The following DYRK4 variants were observed in gnomAD, a reference collection of about 807,000 sequenced individuals.
DYRK4 encodes the protein dual specificity tyrosine-phosphorylation-regulated kinase 4.
In DYRK4, 64 loss-of-function variants were observed where a neutral mutation model predicts 68.3. That is an observed-to-expected ratio of 0.94 (90% confidence interval 0.77 to 1.15). The LOEUF is 1.15. Ranked by LOEUF, DYRK4 falls within the 50% of genes most tolerant of loss-of-function variation. DYRK4 has a pLI of 0.00. For missense variants in DYRK4, 740 were observed against 764.7 expected (o/e 0.97, Z 0.38); for synonymous variants, 274 against 289.9 (o/e 0.95, Z 0.56).
intron 11 of DYRK4, among the ~76,000 whole-genome samples, chr12:4,606,089 A>C (rs553366340): frequency 6.6e-6 from 1 of 152,268 alleles, no homozygotes; most frequent in Admixed American, 6.5e-5. Flanking sequence ...TGGGAAAACT[A>C]TCTCCTAATA....
intron 11 of DYRK4, among the ~76,000 whole-genome samples, chr12:4,606,293 G>GATCTATCTATCTAT (rs1555124273): frequency 3.3e-5 from 5 of 151,034 alleles, no homozygotes; most frequent in African/African-American, 1.2e-4. Flanking sequence ...TGGCTGGCTG[G>GATCTATCTATCTAT]CTATCTATCT....
chr12:4,590,994 T>C, intron 4 of DYRK4, 166 bp from the exon 5 acceptor site: 3 of 774,904 alleles, frequency 3.9e-6, no homozygotes, highest in Non-Finnish European at 6.0e-6. Flanking sequence ...ATGCTTCCTT[T>C]GGGAGAGAGG....
At chr12:4,609,661 G>C (rs1160965917) in intron 12 of DYRK4, among the ~76,000 whole-genome samples, 2 of 152,178 alleles carry the variant, frequency 1.3e-5, no homozygotes, top group Non-Finnish European at 2.9e-5. Flanking sequence ...ATGACTTTAG[G>C]AGCTTTGTTA....
At chr12:4,590,525 G>T in intron 4 of DYRK4, 85 bp downstream of exon 4, 1 of 1,494,298 alleles carries the variant, frequency 6.7e-7, no homozygotes, top group Non-Finnish European at 8.9e-7. Flanking sequence ...GCCCAGGATA[G>T]TGGGGAAAAG....
intron 1 of DYRK4, among the ~76,000 whole-genome samples, chr12:4,565,941 C>T (rs1335783765): frequency 2.0e-5 from 3 of 152,196 alleles, no homozygotes; most frequent in Non-Finnish European, 2.9e-5. Flanking sequence ...CATGTACTTT[C>T]ATAGTCTCCT....
At chr12:4,565,775 G>C (rs1287671299) in intron 1 of DYRK4, among the ~76,000 whole-genome samples, 1 of 152,018 alleles carries the variant, frequency 6.6e-6, no homozygotes, top group Admixed American at 6.6e-5. Context: ...ACAGGCGTGA[G>C]GCACCACACA....
At chr12:4,570,526 T>G (rs1052905888) in intron 2 of DYRK4, among the ~76,000 whole-genome samples, 2 of 152,134 alleles carry the variant, frequency 1.3e-5, no homozygotes, top group Non-Finnish European at 2.9e-5. Flanking sequence ...TGGGTTTCAG[T>G]GGACAGTTGT....
chr12:4,576,544 CT>C (rs1261507510), intron 2 of DYRK4, among the ~76,000 whole-genome samples: 1 of 152,180 alleles, frequency 6.6e-6, no homozygotes, highest in African/African-American at 2.4e-5. Flanking sequence ...AGCATGATTG[CT>C]GGATTGTATG....
At chr12:4,598,975 A>G in intron 8 of DYRK4, 53 bp from the exon 9 acceptor site, 1 of 1,601,724 alleles carries the variant, frequency 6.2e-7, no homozygotes, top group Non-Finnish European at 8.5e-7. Context: ...GTTCAAACTC[A>G]GCCTTATATG....
At chr12:4,578,611 T>G (rs74060046) in intron 2 of DYRK4, among the ~76,000 whole-genome samples, 112 of 152,332 alleles carry the variant, frequency 7.4e-4, no homozygotes, top group African/African-American at 2.7e-3. Context: ...ATATAACTAT[T>G]TGGAAATATT....
chr12:4,596,325 G>T (rs559629026), intron 7 of DYRK4, 40 bp downstream of exon 7: 1 of 1,612,076 alleles, frequency 6.2e-7, no homozygotes, highest in Non-Finnish European at 8.5e-7. Context: ...AGGAGGGACT[G>T]CGTGACTGTG....
chr12:4,599,346 G>A (rs909685682), intron 9 of DYRK4, among the ~76,000 whole-genome samples, 180 bp downstream of exon 9: 3 of 145,482 alleles, frequency 2.1e-5, no homozygotes, highest in Non-Finnish European at 4.5e-5. Context: ...TGGGAATGTC[G>A]AACAAATTCA....
intron 2 of DYRK4, among the ~76,000 whole-genome samples, chr12:4,579,984 C>A (rs932442119): frequency 4.6e-5 from 7 of 152,168 alleles, no homozygotes; most frequent in African/African-American, 1.7e-4. Flanking sequence ...ATTGTGTTAT[C>A]TTGGACAAGT....
rs1187978766 is a variant in DYRK4 at position 4,590,450 on chromosome 12, G to T, written c.324+10G>T. ...ATCCCTGCTGTATCAGGTGAGTGCA[G>T]ACGGACTGGACCCTGAGAAGGCAGG... On this transcript the variant is annotated intron_variant, in intron 4 of 14. Coordinates refer to ENST00000543431, the MANE Select transcript of DYRK4 (RefSeq NM_001394779.1). 12 of 1,534,916 alleles carry T rather than the reference G, an allele frequency of 7.8e-6. No homozygotes were observed. In the Admixed American group the frequency reaches 2.0e-4, roughly 25 times the overall value.
chr12:4,610,470 G>A (rs1330091918), intron 13 of DYRK4, 186 bp downstream of exon 13: 1 of 532,368 alleles, frequency 1.9e-6, no homozygotes, highest in African/African-American at 2.0e-5. Flanking sequence ...TCTCCCTACT[G>A]TGTGGTTGTC....
In DYRK4 at chr12:4,613,681, G is replaced by A; in HGVS notation, c.1833G>A (p.Val611=). Residue 611 remains valine, a synonymous_variant, in exon 15 of 15, where the codon GTG becomes GTA. Coordinates refer to ENST00000543431, the MANE Select transcript of DYRK4 (RefSeq NM_001394779.1). The surrounding 1 kb of genome is among the most constrained non-coding windows in gnomAD (Gnocchi z 4.0). The stretch of plus-strand genomic sequence containing the variant: ...CAGAGGCAGCTGTCGGGGCGGAGGT[G>A]TCCATGACCTCCCCAGGACAGAGCA... ...KKSEAAVGAE[V]SMTSPGQSKN... 6.2e-7 allele frequency: 1 copy of A among 1,612,766 alleles called. No individual in the cohort carries two copies. The highest frequency in any genetic ancestry group is 8.5e-7 in the Non-Finnish European group (1 of 1,178,810).
intron 3 of DYRK4, among the ~76,000 whole-genome samples, chr12:4,589,528 A>G (rs1944930885): frequency 6.6e-6 from 1 of 152,108 alleles, no homozygotes; most frequent in African/African-American, 2.4e-5. Context: ...TGTCTCCCTT[A>G]ATTAAATTGT....
rs765058701 is a variant in DYRK4, at chr12:4,613,646, C to T, written c.1798C>T (p.Pro600Ser). 1.9e-6 allele frequency: 3 copies of T among 1,613,822 alleles called. No individual in the cohort carries two copies. The Admixed American group carries it at 5.0e-5, about 27-fold the overall frequency. The change falls in exon 15 of 15, where the codon CCC becomes TCC. Residue 600 changes from proline (P) to serine (S), a missense_variant. Around this residue, in one of 3 missense-constraint regions of DYRK4, gnomAD observed 614 missense variants for 603.7 expected, o/e 1.02. Transcript: ENST00000543431. This position sits in a 1 kb window ranked among gnomAD's most constrained non-coding sequence, Gnocchi z 4.0. ...TVQLPQLVDA[P>S]KKSEAAVGAE... ...TCAGCTGCCTCAACTGGTAGACGCT[C>T]CCAAGAAGTCAGAGGCAGCTGTCGG...
intron 2 of DYRK4, among the ~76,000 whole-genome samples, chr12:4,569,187 C>T (rs1944706919): frequency 6.6e-6 from 1 of 152,184 alleles, no homozygotes; most frequent in Non-Finnish European, 1.5e-5. Flanking sequence ...CTACCCGTGC[C>T]ACTACCACGT....
Sources: allele counts gnomAD v4.1 joint callset (sites outside exome capture counted in the v4.1 genomes callset), GRCh38; gene constraint gnomAD v4.1.1; regional missense constraint gnomAD v4.1.1; non-coding constraint Gnocchi (gnomAD v3.1); transcripts MANE v1.5; gene names NCBI Gene and HGNC (gene_info 2026-07-23, HGNC 2026-07-21).